Variants in KPNA1 observed in about 807,000 individuals in gnomAD.
KPNA1 encodes importin subunit alpha-5.
Under a neutral mutation model 70.5 loss-of-function variants are expected in KPNA1, and 10 were observed. That is an observed-to-expected ratio of 0.14 (90% CI 0.09 to 0.24). KPNA1 has a LOEUF of 0.24. Ranked by LOEUF, KPNA1 falls within the 10% of genes least tolerant of loss-of-function variation. KPNA1 has a pLI of 1.00. For missense variants in KPNA1, 397 were observed against 637.9 expected (o/e 0.62, Z 4.07); for synonymous variants, 192 against 221.9 (o/e 0.87, Z 1.20).
intron 9 of KPNA1, among the ~76,000 whole-genome samples, chr3:122,445,234 T>C (rs1463553636): frequency 6.6e-6 from 1 of 152,122 alleles, no homozygotes; most frequent in Non-Finnish European, 1.5e-5. Context: ...CTGAAAACCA[T>C]GGCACAAGAA....
At chr3:122,454,600 G>T (rs936418649) in intron 5 of KPNA1, among the ~76,000 whole-genome samples, 2 of 152,150 alleles carry the variant, frequency 1.3e-5, no homozygotes, top group Non-Finnish European at 2.9e-5. Flanking sequence ...ATGTTAGTGT[G>T]AAACATAAAA....
At chr3:122,430,596 CTG>C (rs531603928) in intron 12 of KPNA1, among the ~76,000 whole-genome samples, 114 of 148,794 alleles carry the variant, frequency 7.7e-4, no homozygotes, top group Non-Finnish European at 9.4e-4. Flanking sequence ...CTCAGATAAA[CTG>C]TGTGTTTGTG....
At chr3:122,438,543 C>T (rs184397473) in intron 10 of KPNA1, among the ~76,000 whole-genome samples, 576 of 152,124 alleles carry the variant, frequency 3.8e-3, no homozygotes, top group Non-Finnish European at 5.6e-3. Flanking sequence ...TGCGCCACCA[C>T]GCCCGGCTAA....
rs1245707545 is a variant in KPNA1 at position 122,423,108 on chromosome 3, T to C, written c.*3877A>G. 6.6e-6 allele frequency: 1 copy of C among 152,232 alleles called. No homozygotes were observed. The highest frequency in any genetic ancestry group is 1.5e-5 in the Non-Finnish European group (1 of 68,038). The allele number at this position is 152,232 out of a possible 1,614,324, so 9.4% of individuals were successfully genotyped here. ...ACATCCGGCCATAAACCCAGTAATTTTGTATGGCAGATAAAACATTTTATG... is the reference window on the plus strand; with the variant it reads ...ACATCCGGCCATAAACCCAGTAATTCTGTATGGCAGATAAAACATTTTATG... On this transcript the variant is annotated 3_prime_UTR_variant, in exon 14 of 14. Coordinates refer to ENST00000344337, the MANE Select transcript of KPNA1 (RefSeq NM_002264.4).
intron 2 of KPNA1, among the ~76,000 whole-genome samples, chr3:122,493,837 G>A (rs550777156): frequency 1.4e-4 from 22 of 152,128 alleles, no homozygotes; most frequent in Admixed American, 6.6e-4. Flanking sequence ...TGCCCACCCC[G>A]GCCTCCCAAA....
At chr3:122,429,897 CT>C (rs2075878017) in intron 12 of KPNA1, among the ~76,000 whole-genome samples, 1 of 152,088 alleles carries the variant, frequency 6.6e-6, no homozygotes, top group Non-Finnish European at 1.5e-5. Context: ...GTTTGTTCCC[CT>C]GATGGTATCC....
chr3:122,464,184 AG>A (rs1173087199), intron 3 of KPNA1, 143 bp from the exon 4 acceptor site: 1 of 438,344 alleles, frequency 2.3e-6, no homozygotes, highest in African/African-American at 2.0e-5. Context: ...CTTTACATAT[AG>A]AAACGTGTAA....
chr3:122,496,585 G>T lies in KPNA1; in HGVS notation c.-5-15C>A. The T allele has an allele frequency of 2.5e-6, 4 of 1,610,916 alleles. No homozygotes were observed. Among genetic ancestry groups the T allele is most frequent in the Non-Finnish European group, 3.4e-6 (4 of 1,178,168 alleles). ...GGTCATGATTTCTACAATACAAGTG[G>T]GGAGAGAACAAATGAGTTTACTGTG... is the stretch of plus-strand genomic sequence containing the variant. On this transcript the variant is annotated splice_polypyrimidine_tract_variant and intron_variant, in intron 1 of 13. Transcript: ENST00000344337.
intron 12 of KPNA1, among the ~76,000 whole-genome samples, chr3:122,430,763 G>C (rs1262370328): frequency 1.3e-5 from 2 of 152,160 alleles, no homozygotes; most frequent in Non-Finnish European, 2.9e-5. Context: ...TTTCAACAGT[G>C]CTAAAACAAC....
chr3:122,514,825 A>T lies in KPNA1; in HGVS notation c.-74T>A, dbSNP rs977053316. 6.5e-6 allele frequency: 1 copy of T among 152,720 alleles called. No homozygotes were observed. Among genetic ancestry groups the T allele is most frequent in the African/African-American group, 2.4e-5 (1 of 41,302 alleles). 9.5% of individuals were successfully genotyped at this position (152,720 alleles called of 1,614,324 possible). A position where few individuals can be genotyped will look rare whatever the true frequency, so the allele number is the denominator to read the frequency against. On this transcript the variant is annotated 5_prime_UTR_variant, in exon 1 of 14. Transcript: ENST00000344337. The stretch of plus-strand genomic sequence containing the variant: ...CCCTCGCTCGCCCGCCCGCCGTGCC[A>T]CTCCCGCGCACAACCTCGAAGAGCT...
chr3:122,513,641 A>AG (rs1202581986), intron 1 of KPNA1, among the ~76,000 whole-genome samples: 2 of 152,060 alleles, frequency 1.3e-5, no homozygotes, highest in Non-Finnish European at 2.9e-5. Context: ...CCATCTCTTA[A>AG]GAAAAAAAAA....
intron 12 of KPNA1, among the ~76,000 whole-genome samples, chr3:122,428,748 T>C (rs1410645226): frequency 6.6e-6 from 1 of 152,180 alleles, no homozygotes; most frequent in Admixed American, 6.6e-5. Flanking sequence ...CTTCCCAGAA[T>C]AGAAAACATC....
At chr3:122,498,134 C>T (rs1202372787) in intron 1 of KPNA1, among the ~76,000 whole-genome samples, 1 of 152,146 alleles carries the variant, frequency 6.6e-6, no homozygotes, top group African/African-American at 2.4e-5. Context: ...GAAAAGACTC[C>T]TCTTTCTCCA....
At chr3:122,432,084 G>A (rs376509233) in intron 12 of KPNA1, among the ~76,000 whole-genome samples, 2 of 152,158 alleles carry the variant, frequency 1.3e-5, no homozygotes, top group Non-Finnish European at 2.9e-5. Flanking sequence ...TTACAGACAT[G>A]AGCCGCTGCA....
At chr3:122,460,943 CTG>C (rs1459732356) in intron 5 of KPNA1, among the ~76,000 whole-genome samples, 1 of 152,124 alleles carries the variant, frequency 6.6e-6, no homozygotes, top group African/African-American at 2.4e-5. Flanking sequence ...AAGTTCCTGG[CTG>C]TAATGGCTCC....
In KPNA1 at chr3:122,426,640, G is replaced by A. The variant is rs2075826870; in HGVS notation, c.*345C>T. 1 of 197,154 alleles carries A rather than the reference G, an allele frequency of 5.1e-6. No individual in the cohort carries two copies. Among genetic ancestry groups the A allele is most frequent in the Admixed American group, 5.7e-5 (1 of 17,600 alleles). The allele number at this position is 197,154 out of a possible 1,614,324, so 12.2% of individuals were successfully genotyped here. A position where few individuals can be genotyped will look rare whatever the true frequency, so the allele number is the denominator to read the frequency against. Reference sequence around the variant, plus strand: ...TTTTTTCCCCCATGTTAAAGGGAATGAGGAGGAGTCCTCTTTTATTCCCCC... The same window carrying A: ...TTTTTTCCCCCATGTTAAAGGGAATAAGGAGGAGTCCTCTTTTATTCCCCC... On this transcript the variant is annotated 3_prime_UTR_variant, in exon 14 of 14. Transcript: ENST00000344337.
intron 2 of KPNA1, among the ~76,000 whole-genome samples, chr3:122,492,999 A>G (rs1227223732): frequency 6.6e-6 from 1 of 152,052 alleles, no homozygotes; most frequent in Non-Finnish European, 1.5e-5. Flanking sequence ...TAACTATAAC[A>G]TATCAGAAAA....
At chr3:122,447,863 T>C (rs528944413) in intron 9 of KPNA1, among the ~76,000 whole-genome samples, 1 of 152,152 alleles carries the variant, frequency 6.6e-6, no homozygotes, top group African/African-American at 2.4e-5. Flanking sequence ...ATCACAAGCA[T>C]TCCTATGACA....
At chr3:122,448,685 A>G (rs2076167151) in intron 9 of KPNA1, among the ~76,000 whole-genome samples, 1 of 152,126 alleles carries the variant, frequency 6.6e-6, no homozygotes, top group Non-Finnish European at 1.5e-5. Context: ...TGGCACATGT[A>G]TACCTATGTA....
Sources: gnomAD v4.1 joint callset for allele counts (sites outside exome capture counted in the v4.1 genomes callset) on GRCh38, gnomAD v4.1.1 for gene constraint, MANE v1.5 for transcripts, NCBI Gene and HGNC (gene_info 2026-07-23, HGNC 2026-07-21) for gene names.